The following SPOCK3 variants were observed in gnomAD, a reference collection of about 807,000 sequenced individuals.
SPOCK3 encodes SPARC (osteonectin), cwcv and kazal like domains proteoglycan 3, also known as testican-3.
Under a neutral mutation model 56.6 loss-of-function variants are expected in SPOCK3, and 30 were observed. That is an observed-to-expected ratio of 0.53 (90% CI 0.40 to 0.72). The LOEUF (loss-of-function observed/expected upper bound fraction) is 0.72. Ranked by LOEUF, SPOCK3 falls within the 30% of genes least tolerant of loss-of-function variation. The probability of loss-of-function intolerance (pLI) is 0.00; values close to 1 mark genes in which losing one functional copy is unlikely to be tolerated. For synonymous variants in SPOCK3, 196 were observed against 183.3 expected, an observed-to-expected ratio of 1.07 and a Z score of -0.56; for missense variants, 527 against 530.0, an observed-to-expected ratio of 0.99 and a Z score of 0.06.
chr4:167,057,842 C>T (rs898306128), intron 3 of SPOCK3, among the ~76,000 whole-genome samples: 2 of 152,174 alleles, frequency 1.3e-5, no homozygotes, highest in South Asian at 2.1e-4. Flanking sequence ...ATAATGGGAG[C>T]CTTTAACACC....
At chr4:166,845,683 C>T (rs902360534) in intron 6 of SPOCK3, among the ~76,000 whole-genome samples, 20 of 152,298 alleles carry the variant, frequency 1.3e-4, no homozygotes, top group African/African-American at 3.8e-4. Context: ...AGTTCAACAA[C>T]TTCAAACACG....
chr4:166,973,178 C>T (rs187897613), intron 4 of SPOCK3, among the ~76,000 whole-genome samples: 13 of 152,168 alleles, frequency 8.5e-5, no homozygotes, highest in East Asian at 1.9e-4. Context: ...GTTTCCCCTG[C>T]GCCCCTCCCC....
At chr4:166,762,807 T>G (rs1737421098) in intron 7 of SPOCK3, among the ~76,000 whole-genome samples, 1 of 151,814 alleles carries the variant, frequency 6.6e-6, no homozygotes, top group Non-Finnish European at 1.5e-5. Context: ...AGAAAAAAAA[T>G]CCTTGAAACT....
At chr4:166,842,870 C>T (rs573942611) in intron 6 of SPOCK3, among the ~76,000 whole-genome samples, 21 of 152,352 alleles carry the variant, frequency 1.4e-4, no homozygotes, top group East Asian at 5.8e-4. Flanking sequence ...TAGATGGAAC[C>T]GGGTGCTGTG....
intron 2 of SPOCK3, among the ~76,000 whole-genome samples, chr4:167,108,027 C>A (rs934861052): frequency 6.6e-6 from 1 of 151,766 alleles, no homozygotes; most frequent in Non-Finnish European, 1.5e-5. Flanking sequence ...TGAAGACATA[C>A]AAATGGCAAA....
intron 4 of SPOCK3, among the ~76,000 whole-genome samples, chr4:166,945,309 C>T (rs1202457147): frequency 5.3e-5 from 8 of 151,976 alleles, no homozygotes; most frequent in African/African-American, 1.9e-4. Context: ...CATATAAATA[C>T]CTATATTTGC....
At chr4:167,167,656 G>T (rs959147249) in intron 2 of SPOCK3, among the ~76,000 whole-genome samples, 1 of 152,134 alleles carries the variant, frequency 6.6e-6, no homozygotes, top group Admixed American at 6.6e-5. Flanking sequence ...AGGTACACCA[G>T]GATTAAATTG....
At chr4:167,108,693 T>C (rs752505161) in intron 2 of SPOCK3, among the ~76,000 whole-genome samples, 1 of 151,202 alleles carries the variant, frequency 6.6e-6, no homozygotes, top group Non-Finnish European at 1.5e-5. Flanking sequence ...GTGGAGATGG[T>C]TAATGGGTAA....
chr4:166,737,346 A>C, intron 10 of SPOCK3, 121 bp downstream of exon 10: 7 of 1,061,602 alleles, frequency 6.6e-6, no homozygotes, highest in Middle Eastern at 2.2e-4. Context: ...CCTCCACCCT[A>C]GATATTCTAC....
chr4:167,011,237 C>T (rs887256890), intron 3 of SPOCK3: 1 of 454,742 alleles, frequency 2.2e-6, no homozygotes, highest in Non-Finnish European at 4.4e-6. Flanking sequence ...AAGTACTAAT[C>T]CAAAGGAAGG....
chr4:167,128,574 C>T (rs1224490207), intron 2 of SPOCK3, among the ~76,000 whole-genome samples: 1 of 152,202 alleles, frequency 6.6e-6, no homozygotes, highest in Non-Finnish European at 1.5e-5. Flanking sequence ...AACCATTTGG[C>T]TTCCCTGGGC....
intron 5 of SPOCK3, among the ~76,000 whole-genome samples, chr4:166,911,211 C>T (rs983831014): frequency 2.0e-5 from 3 of 151,202 alleles, no homozygotes; most frequent in Non-Finnish European, 4.4e-5. Context: ...CATATGACAG[C>T]TTCACTAAGG....
At chr4:167,064,784 T>C (rs927591905) in intron 2 of SPOCK3, among the ~76,000 whole-genome samples, 1 of 151,670 alleles carries the variant, frequency 6.6e-6, no homozygotes, top group African/African-American at 2.4e-5. Context: ...GTTGGAAAAA[T>C]AATATCTACC....
At chr4:167,000,194 C>A (rs1375977417) in intron 4 of SPOCK3, among the ~76,000 whole-genome samples, 155 bp downstream of exon 4, 1 of 152,058 alleles carries the variant, frequency 6.6e-6, no homozygotes, top group African/African-American at 2.4e-5. Context: ...ATGTTTAACC[C>A]AAGTGAATCA....
intron 2 of SPOCK3, among the ~76,000 whole-genome samples, chr4:167,231,423 T>C (rs1022946422): frequency 6.6e-6 from 1 of 152,052 alleles, no homozygotes; most frequent in Admixed American, 6.6e-5. Context: ...AGCACAAAAG[T>C]ACTTCAGTTA....
intron 3 of SPOCK3, among the ~76,000 whole-genome samples, chr4:167,041,900 T>C (rs1258828458): frequency 1.3e-5 from 2 of 152,026 alleles, no homozygotes; most frequent in Non-Finnish European, 2.9e-5. Flanking sequence ...TAATTACAAA[T>C]AAAAATTAAA....
At chr4:167,022,051 T>C (rs969187629) in intron 3 of SPOCK3, among the ~76,000 whole-genome samples, 5 of 152,100 alleles carry the variant, frequency 3.3e-5, no homozygotes, top group Non-Finnish European at 7.4e-5. Flanking sequence ...TGGTAAAGTT[T>C]CTAGGAACTC....
chr4:167,028,001 C>T (rs1751869733), intron 3 of SPOCK3, among the ~76,000 whole-genome samples: 1 of 152,078 alleles, frequency 6.6e-6, no homozygotes, highest in Non-Finnish European at 1.5e-5. Context: ...CATGTTTGAA[C>T]TTCCTGTCCC....
At chr4:167,096,458 T>G (rs1353727926) in intron 2 of SPOCK3, among the ~76,000 whole-genome samples, 1 of 151,816 alleles carries the variant, frequency 6.6e-6, no homozygotes, top group African/African-American at 2.4e-5. Flanking sequence ...TGTAACTTCA[T>G]TTTTTAATTT....
Sources: gnomAD v4.1 joint callset for allele counts (sites outside exome capture counted in the v4.1 genomes callset) on GRCh38, gnomAD v4.1.1 for gene constraint, MANE v1.5 for transcripts, NCBI Gene and HGNC (gene_info 2026-07-23, HGNC 2026-07-21) for gene names.